SLC6A12: variants seen among roughly 807,000 people sequenced by gnomAD.
The protein encoded by SLC6A12 is solute carrier family 6 member 12.
Under a neutral mutation model 73.3 loss-of-function variants are expected in SLC6A12, and 50 were observed. That is an observed-to-expected ratio of 0.68 (90% CI 0.54 to 0.86). The LOEUF is 0.86. Among genes scored for constraint, SLC6A12 ranks in the 40% least tolerant of loss-of-function variants. The probability of loss-of-function intolerance (pLI) is 0.00; values close to 1 mark genes in which losing one functional copy is unlikely to be tolerated. For missense variants in SLC6A12, 648 were observed against 772.8 expected (o/e 0.84, Z 1.92); for synonymous variants, 304 against 309.2 (o/e 0.98, Z 0.18).
chr12:187,469 T>C (rs1183578884), downstream of SLC6A12, among the ~76,000 whole-genome samples: 1 of 151,584 alleles, frequency 6.6e-6, no homozygotes, highest in African/African-American at 2.4e-5. Flanking sequence ...TTCCTCCCGA[T>C]GGTTCAGTGG....
chr12:198,944 G>C lies in SLC6A12; in HGVS notation c.712-13C>G, dbSNP rs111367414. 1.1e-5 allele frequency: 17 copies of C among 1,613,774 alleles called. No homozygotes were observed. Among genetic ancestry groups the C allele is most frequent in the Middle Eastern group, 3.3e-4 (2 of 6,058 alleles). ...TGAAATAAACCACCTGGAGGTGGGGGGACAGGCCAAGGTCACTCCTGGTGG... is the reference window on the plus strand; with the variant it reads ...TGAAATAAACCACCTGGAGGTGGGGCGACAGGCCAAGGTCACTCCTGGTGG... On this transcript the variant is annotated splice_polypyrimidine_tract_variant and intron_variant, in intron 7 of 15. Coordinates refer to ENST00000684302, the MANE Select transcript of SLC6A12 (RefSeq NM_001122848.3). This position sits in a 1 kb window ranked among gnomAD's most constrained non-coding sequence, Gnocchi z 4.0.
intron 3 of SLC6A12, 35 bp downstream of exon 3, chr12:209,738 C>T: frequency 6.2e-7 from 1 of 1,613,186 alleles, no homozygotes; most frequent in African/African-American, 1.3e-5. Flanking sequence ...CAGCACACAG[C>T]TCTCCCCACC....
chr12:204,814 C>T, intron 3 of SLC6A12, 116 bp from the exon 4 acceptor site: 2 of 1,190,788 alleles, frequency 1.7e-6, no homozygotes, highest in Non-Finnish European at 1.2e-6. Context: ...CTTAATCTCC[C>T]TCCTGACACT....
At position 209,945 on chromosome 12, in the gene SLC6A12, T is replaced by C. The variant is rs526690; in HGVS notation, c.42A>G (p.Ala14=). ...KVAVQECGPP[A]VSWVPEEGEK... ...CTCCCTCCTCGGGGACCCAGGAGAC[T>C]GCAGGAGGCCCACACTCTTGCACTG... Residue 14 remains alanine, a synonymous_variant, in exon 3 of 16, where the codon GCA becomes GCG. Transcript: ENST00000684302. 855,998 of 1,613,672 alleles carry C rather than the reference T, an allele frequency of 0.53. 230,006 individuals carry two copies. Among genetic ancestry groups the C allele is most frequent in the African/African-American group, 0.71 (53,575 of 74,972 alleles).
intron 1 of SLC6A12, among the ~76,000 whole-genome samples, chr12:212,650 G>A (rs1565481847): frequency 6.6e-6 from 1 of 152,226 alleles, no homozygotes; most frequent in African/African-American, 2.4e-5. Flanking sequence ...GGTAACTCAA[G>A]AGGGAACACG....
downstream of SLC6A12, among the ~76,000 whole-genome samples, chr12:186,064 G>A (rs943844521): frequency 2.6e-5 from 4 of 152,046 alleles, no homozygotes; most frequent in Admixed American, 6.5e-5. Context: ...TGAGCCCAGG[G>A]TCAGGGGAGG....
chr12:207,034 G>A (rs1267187113), intron 3 of SLC6A12, among the ~76,000 whole-genome samples: 1 of 152,266 alleles, frequency 6.6e-6, no homozygotes, highest in African/African-American at 2.4e-5. Flanking sequence ...CCCTGAAAGG[G>A]TGGCACTAAG....
chr12:197,415 TG>T lies in SLC6A12; in HGVS notation c.1036del (p.Gln346LysfsTer26), dbSNP rs1310752918. The T allele has an allele frequency of 6.2e-7, 1 of 1,613,894 alleles. No individual in the cohort carries two copies. Among genetic ancestry groups the T allele is most frequent in the South Asian group, 1.1e-5 (1 of 91,046 alleles). On this transcript the variant is annotated frameshift_variant, in exon 10 of 16. Transcript: ENST00000684302. LOFTEE classifies it high-confidence loss of function. ...VVFSILGFMS[Q>X]EQGVPISEVA... Reference sequence around the variant, plus strand: ...TTCAGAAATGGGCACCCCTTGCTCTTGGGACATGAAGCCCAGGATGGAGAAG... The same window carrying T: ...TTCAGAAATGGGCACCCCTTGCTCTTGGACATGAAGCCCAGGATGGAGAAG...
chr12:200,475 C>T (rs185253248), intron 7 of SLC6A12, among the ~76,000 whole-genome samples, 176 bp downstream of exon 7: 3 of 152,206 alleles, frequency 2.0e-5, no homozygotes, highest in Non-Finnish European at 4.4e-5. Context: ...TTCCTTGCAT[C>T]GAGCTAAGCT....
At position 192,495 on chromosome 12, in the gene SLC6A12, G is replaced by A. The variant is rs374806665; in HGVS notation, c.1684C>T (p.Arg562Trp). The A allele has an allele frequency of 1.7e-5, 28 of 1,613,876 alleles. No individual in the cohort carries two copies. The highest frequency in any genetic ancestry group is 2.2e-5 in the South Asian group (2 of 91,058). Reference protein sequence around the residue: ...LFVVITLLKTRGPFRKRLRQL... With the variant: ...LFVVITLLKTWGPFRKRLRQL... ...CCACCTACCTTCCTGAAAGGACCCC[G>A]AGTCTTCAGGAGGGTGATGACGACG... is the stretch of plus-strand genomic sequence containing the variant. The change falls in exon 15 of 16, where the codon CGG (arginine) becomes TGG (tryptophan). Residue 562 changes from arginine to tryptophan, a missense_variant. By Grantham distance (101) the Arg-to-Trp change is moderately radical (BLOSUM62 -3). Transcript: ENST00000684302.
intron 7 of SLC6A12, 86 bp from the exon 8 acceptor site, chr12:199,017 C>T (rs1022628581): frequency 1.6e-5 from 22 of 1,400,058 alleles, no homozygotes; most frequent in African/African-American, 1.3e-4. Context: ...TCGAGTCACA[C>T]GGAGCTCAGT....
At chr12:187,621 A>ACCC (rs1565461357), downstream of SLC6A12, among the ~76,000 whole-genome samples, 1 of 54,030 alleles carries the variant, frequency 1.9e-5, no homozygotes, top group Admixed American at 1.7e-4. Context: ...AAAAAAAAAA[A>ACCC]AAAAAAAAAA....
downstream of SLC6A12, among the ~76,000 whole-genome samples, chr12:188,170 C>T (rs1457460953): frequency 1.3e-5 from 2 of 152,130 alleles, no homozygotes; most frequent in Non-Finnish European, 2.9e-5. Context: ...GAGCAGGGGG[C>T]GGCGCTGGTC....
At chr12:186,293 C>A (rs1327318858), downstream of SLC6A12, among the ~76,000 whole-genome samples, 1 of 152,164 alleles carries the variant, frequency 6.6e-6, no homozygotes, top group Non-Finnish European at 1.5e-5. Context: ...AACAGAGAGC[C>A]CACATGAGAG....
chr12:186,865 G>T (rs1555103535), downstream of SLC6A12, among the ~76,000 whole-genome samples: 1 of 152,188 alleles, frequency 6.6e-6, no homozygotes, highest in Non-Finnish European at 1.5e-5. Flanking sequence ...GTCCACACCG[G>T]AGCAGGCTGG....
chr12:187,576 T>TGCAAAAGAGCAAAAG (rs1939453054), downstream of SLC6A12, among the ~76,000 whole-genome samples: 1 of 102,188 alleles, frequency 9.8e-6, no homozygotes, highest in African/African-American at 4.4e-5. Flanking sequence ...CAGCAAGATT[T>TGCAAAAGAGCAAAAG]ACTGCAAAAG....
At chr12:188,340 G>A (rs536937421), downstream of SLC6A12, among the ~76,000 whole-genome samples, 119 of 152,090 alleles carry the variant, frequency 7.8e-4, no homozygotes, top group African/African-American at 2.6e-3. Context: ...TCACTGCCCC[G>A]GGCCGGCGGG....
chr12:188,432 GC>G (rs1939480460), downstream of SLC6A12, among the ~76,000 whole-genome samples: 1 of 152,006 alleles, frequency 6.6e-6, no homozygotes, highest in Non-Finnish European at 1.5e-5. Context: ...GCCGCGCGCA[GC>G]CCCGCTTCCC....
rs1266076941 is a variant in SLC6A12 at position 210,024 on chromosome 12, A to C, written c.-38T>G. ...GGTTGGGAAGCCCCGCTGGGTGGGCAGGATGACGAGGGCCAAAGCCTGGTG... is the reference window on the plus strand; with the variant it reads ...GGTTGGGAAGCCCCGCTGGGTGGGCCGGATGACGAGGGCCAAAGCCTGGTG... On this transcript the variant is annotated 5_prime_UTR_variant, in exon 3 of 16. Transcript: ENST00000684302. The C allele has an allele frequency of 1.9e-6, 3 of 1,608,356 alleles. No homozygotes were observed. Among genetic ancestry groups the C allele is most frequent in the Non-Finnish European group, 2.6e-6 (3 of 1,175,842 alleles).
Sources: gnomAD v4.1 joint callset for allele counts (sites outside exome capture counted in the v4.1 genomes callset) on GRCh38, gnomAD v4.1.1 for gene constraint, Gnocchi (gnomAD v3.1) non-coding constraint, MANE v1.5 for transcripts, NCBI Gene and HGNC (gene_info 2026-07-23, HGNC 2026-07-21) for gene names.